STXBP6: variants seen among roughly 807,000 people sequenced by gnomAD.
The protein encoded by STXBP6 is syntaxin-binding protein 6.
STXBP6 carries 21 observed loss-of-function variants against 26.9 expected under a neutral mutation model. That is an observed-to-expected ratio of 0.78 (90% CI 0.55 to 1.12). The LOEUF (loss-of-function observed/expected upper bound fraction) is 1.12. Among genes scored for constraint, STXBP6 ranks in the 50% most tolerant of loss-of-function variants. The pLI, the probability that STXBP6 is intolerant of heterozygous loss-of-function variation, is 0.00. For missense variants in STXBP6, 232 were observed against 257.9 expected, an observed-to-expected ratio of 0.90 and a Z score of 0.69; for synonymous variants, 97 against 92.6, an observed-to-expected ratio of 1.05 and a Z score of -0.27.
intron 1 of STXBP6, among the ~76,000 whole-genome samples, chr14:24,983,895 A>C (rs561344221): frequency 6.6e-5 from 10 of 152,344 alleles, no homozygotes; most frequent in African/African-American, 2.4e-4. Flanking sequence ...CAGTTGAAAC[A>C]AGTTTATATG....
chr14:25,030,476 T>G (rs1487492299), intron 1 of STXBP6, among the ~76,000 whole-genome samples: 5 of 152,156 alleles, frequency 3.3e-5, no homozygotes, highest in Non-Finnish European at 5.9e-5. Flanking sequence ...TAATCATGAC[T>G]CTAAGACCTT....
At chr14:24,942,369 A>G (rs1392861240) in intron 2 of STXBP6, among the ~76,000 whole-genome samples, 1 of 152,228 alleles carries the variant, frequency 6.6e-6, no homozygotes, top group Non-Finnish European at 1.5e-5. Context: ...AACTTCATCC[A>G]GAGATGGAAA....
At chr14:25,011,893 A>G (rs1318545193) in intron 1 of STXBP6, among the ~76,000 whole-genome samples, 2 of 152,234 alleles carry the variant, frequency 1.3e-5, no homozygotes, top group African/African-American at 4.8e-5. Flanking sequence ...GATGACTGAG[A>G]TCTTCAAAAG....
intron 4 of STXBP6, among the ~76,000 whole-genome samples, chr14:24,844,055 T>C (rs1027798274): frequency 1.3e-5 from 2 of 152,096 alleles, no homozygotes; most frequent in Admixed American, 6.5e-5. Context: ...GGAGATACAG[T>C]CAATCACCAA....
rs1327352238 is a variant in STXBP6, at chr14:24,868,707, G to C, written c.155-11550C>G. Among the ~76,000 whole-genome samples, 4 of 152,176 alleles carry C rather than the reference G, an allele frequency of 2.6e-5. No homozygotes were observed. In the East Asian group the frequency reaches 5.8e-4, roughly 22 times the overall value. ...GTCAAAGAGGTCATGGCAGGAGTGG[G>C]CATGAAAGCAGGGAAACCCTTTTGG... is the stretch of plus-strand genomic sequence containing the variant. On this transcript the variant is annotated intron_variant, in intron 2 of 5. Transcript: ENST00000323944.
chr14:25,048,468 C>T (rs975221578), intron 1 of STXBP6, among the ~76,000 whole-genome samples: 3 of 152,132 alleles, frequency 2.0e-5, no homozygotes, highest in East Asian at 1.9e-4. Context: ...TTATGTGATT[C>T]GCACATCTAG....
chr14:24,932,406 G>C (rs910378971), intron 2 of STXBP6, among the ~76,000 whole-genome samples: 1 of 152,116 alleles, frequency 6.6e-6, no homozygotes, highest in Non-Finnish European at 1.5e-5. Context: ...GCCTATGTTG[G>C]GCCATTCAGG....
intron 2 of STXBP6, among the ~76,000 whole-genome samples, chr14:24,909,931 C>T (rs753756399): frequency 9.9e-5 from 15 of 151,828 alleles, no homozygotes; most frequent in Non-Finnish European, 2.1e-4. Flanking sequence ...CAAGTATGAC[C>T]TTGAGTGAGT....
chr14:24,926,965 G>A (rs771419378), intron 2 of STXBP6, among the ~76,000 whole-genome samples: 2 of 151,922 alleles, frequency 1.3e-5, no homozygotes, highest in Admixed American at 6.6e-5. Flanking sequence ...TAATAATTAC[G>A]TCTAGCCGAA....
At chr14:24,909,059 T>G (rs536178688) in intron 2 of STXBP6, among the ~76,000 whole-genome samples, 2 of 152,348 alleles carry the variant, frequency 1.3e-5, no homozygotes, top group Non-Finnish European at 2.9e-5. Context: ...CTGTGTTATC[T>G]TTAGGGATAA....
At chr14:25,011,774 G>T (rs1240903991) in intron 1 of STXBP6, among the ~76,000 whole-genome samples, 1 of 152,144 alleles carries the variant, frequency 6.6e-6, no homozygotes. Flanking sequence ...TGAAAAAAAA[G>T]TATTTCTAAG....
chr14:25,035,401 A>C (rs2075532890), intron 1 of STXBP6, among the ~76,000 whole-genome samples: 1 of 152,218 alleles, frequency 6.6e-6, no homozygotes, highest in Non-Finnish European at 1.5e-5. Context: ...GACACCATGA[A>C]ATTCAAAGTA....
chr14:25,027,992 G>A (rs1257448816), intron 1 of STXBP6, among the ~76,000 whole-genome samples: 1 of 152,204 alleles, frequency 6.6e-6, no homozygotes, highest in Non-Finnish European at 1.5e-5. Flanking sequence ...TGATGAAGCT[G>A]CAGAAGAAAA....
At chr14:24,931,601 A>C (rs1480398442) in intron 2 of STXBP6, among the ~76,000 whole-genome samples, 1 of 152,138 alleles carries the variant, frequency 6.6e-6, no homozygotes, top group Non-Finnish European at 1.5e-5. Flanking sequence ...ACTATGTTTC[A>C]GGTAGTGGAG....
Position 25,024,165 on chromosome 14 carries a change from C to T in STXBP6, c.-33+25713G>A, listed in dbSNP as rs145505065. Among the ~76,000 whole-genome samples, 896 of 152,040 alleles carry T rather than the reference C, an allele frequency of 5.9e-3. 10 individuals carry two copies. Among genetic ancestry groups the T allele is most frequent in the African/African-American group, 0.02 (833 of 41,464 alleles). On this transcript the variant is annotated intron_variant, in intron 1 of 5. Coordinates refer to ENST00000323944, the MANE Select transcript of STXBP6 (RefSeq NM_001394410.1). ...TCTACTAAAAATGCAAAAAATTAGC[C>T]GGGCATGGTGGCACACGCCTGTAGT...
intron 2 of STXBP6, among the ~76,000 whole-genome samples, chr14:24,968,012 A>C (rs1487232046): frequency 2.0e-5 from 3 of 152,086 alleles, no homozygotes; most frequent in African/African-American, 7.2e-5. Context: ...TGGTTCCTTG[A>C]TCTGTGAAAT....
chr14:24,854,739 G>A (rs1310108839), intron 4 of STXBP6, among the ~76,000 whole-genome samples: 3 of 151,998 alleles, frequency 2.0e-5, no homozygotes, highest in Non-Finnish European at 4.4e-5. Flanking sequence ...CACTGGTGGC[G>A]CAGACATGAT....
At chr14:24,993,671 C>A (rs1696916977) in intron 1 of STXBP6, among the ~76,000 whole-genome samples, 1 of 152,194 alleles carries the variant, frequency 6.6e-6, no homozygotes. Flanking sequence ...AGTCTTCAAA[C>A]CACATTTCCC....
At chr14:24,880,945 C>A (rs1301435613) in intron 2 of STXBP6, among the ~76,000 whole-genome samples, 1 of 152,190 alleles carries the variant, frequency 6.6e-6, no homozygotes, top group Non-Finnish European at 1.5e-5. Flanking sequence ...ACTGTGTTTT[C>A]TCATTGTTTT....
Sources: allele counts gnomAD v4.1 joint callset (sites outside exome capture counted in the v4.1 genomes callset), GRCh38; gene constraint gnomAD v4.1.1; transcripts MANE v1.5; gene names NCBI Gene and HGNC (gene_info 2026-07-23, HGNC 2026-07-21).